The following SLC30A8 variants were observed in gnomAD, a reference collection of about 807,000 sequenced individuals.
SLC30A8 encodes the protein proton-coupled zinc antiporter SLC30A8.
SLC30A8 carries 27 observed loss-of-function variants against 36.9 expected under a neutral mutation model. The observed-to-expected ratio is 0.73, with a 90% confidence interval of 0.54 to 1.01. The LOEUF is 1.01. Among genes scored for constraint, SLC30A8 ranks in the 50% least tolerant of loss-of-function variants. The pLI is 0.00. For synonymous variants in SLC30A8, 164 were observed against 172.4 expected, an observed-to-expected ratio of 0.95 and a Z score of 0.38; for missense variants, 439 against 452.0, an observed-to-expected ratio of 0.97 and a Z score of 0.26.
Position 116,981,445 on chromosome 8 carries a change from C to T in SLC30A8, c.-266+30326C>T, listed in dbSNP as rs190561910. On this transcript the variant is annotated intron_variant, in intron 1 of 10. Transcript: ENST00000427715. ...AAGTTATATTTTAGATTCAAGAGTA[C>T]GTGTGTAGGTTTGTTATACAGGTAA... Among the ~76,000 whole-genome samples, 10 of 152,188 alleles carry T rather than the reference C, an allele frequency of 6.6e-5. No homozygotes were observed. In the East Asian group the frequency reaches 1.5e-3, roughly 24 times the overall value.
intron 7 of SLC30A8, among the ~76,000 whole-genome samples, chr8:117,171,459 A>G (rs962011117): frequency 1.3e-5 from 2 of 152,160 alleles, no homozygotes; most frequent in African/African-American, 4.8e-5. Flanking sequence ...ATTCAACTTC[A>G]TCTGTTTGGC....
At chr8:117,001,450 T>C (rs1330685884) in intron 1 of SLC30A8, among the ~76,000 whole-genome samples, 2 of 152,136 alleles carry the variant, frequency 1.3e-5, no homozygotes, top group Non-Finnish European at 2.9e-5. Context: ...AGTGAATGCA[T>C]CTCTTTTATT....
rs1823650947 is a variant in SLC30A8, at chr8:117,175,805, T to TAAAC, written c.*3126_*3129dup. On this transcript the variant is annotated 3_prime_UTR_variant, in exon 8 of 8. Coordinates refer to ENST00000456015, the MANE Select transcript of SLC30A8 (RefSeq NM_173851.3). ...CAGTGGCAAAATTATTGGTGAGAAT[T>TAAAC]AAACAGCTGTTTCTCAGAGGAAGCA... The TAAAC allele has an allele frequency of 6.6e-6, 1 of 152,114 alleles. No homozygotes were observed. 9.4% of individuals were successfully genotyped at this position (152,114 alleles called of 1,614,324 possible).
chr8:117,057,014 A>T (rs1817892348), intron 2 of SLC30A8, among the ~76,000 whole-genome samples: 1 of 152,228 alleles, frequency 6.6e-6, no homozygotes, highest in Admixed American at 6.5e-5. Flanking sequence ...CACTTGCCTT[A>T]GTCCACTAGG....
chr8:117,137,968 A>G (rs993138875), intron 1 of SLC30A8, among the ~76,000 whole-genome samples: 3 of 150,944 alleles, frequency 2.0e-5, no homozygotes, highest in African/African-American at 7.3e-5. Flanking sequence ...TATTGGACCC[A>G]GTAGGTGCCA....
At chr8:116,954,083 T>C (rs1370441929) in intron 1 of SLC30A8, among the ~76,000 whole-genome samples, 1 of 152,194 alleles carries the variant, frequency 6.6e-6, no homozygotes, top group Non-Finnish European at 1.5e-5. Context: ...GAATAATCAA[T>C]AATTTTTGGT....
chr8:117,102,641 T>C (rs1386669866), intron 2 of SLC30A8, among the ~76,000 whole-genome samples: 1 of 152,164 alleles, frequency 6.6e-6, no homozygotes, highest in Non-Finnish European at 1.5e-5. Context: ...CTTCTTTGCT[T>C]CTTCTAGTTT....
rs150616993 is a variant in SLC30A8 at position 117,003,811 on chromosome 8, C to G, written c.-265-35408C>G. On this transcript the variant is annotated intron_variant, in intron 1 of 10. Coordinates refer to the SLC30A8 transcript ENST00000427715. ...ACGATAATTCATTGGCAGAGTGAAG[C>G]AATTAATTAATGCTGTTTGTCATAT... is the stretch of plus-strand genomic sequence containing the variant. Among the ~76,000 whole-genome samples the G allele has an allele frequency of 7.3e-3, 1,110 of 152,216 alleles. 6 individuals carry two copies. Among genetic ancestry groups the G allele is most frequent in the Non-Finnish European group, 0.013 (856 of 68,018 alleles).
chr8:117,133,147 A>G (rs890984566), upstream of SLC30A8, among the ~76,000 whole-genome samples: 1 of 152,058 alleles, frequency 6.6e-6, no homozygotes, highest in Non-Finnish European at 1.5e-5. Flanking sequence ...AATTGCTGAT[A>G]TTAGACCACA....
chr8:117,111,426 G>A (rs964786958), intron 2 of SLC30A8, among the ~76,000 whole-genome samples: 3 of 152,084 alleles, frequency 2.0e-5, no homozygotes, highest in African/African-American at 4.8e-5. Context: ...TCTTCTTTTA[G>A]TAATAGCACC....
At chr8:116,981,462 T>C (rs1815257369) in intron 1 of SLC30A8, among the ~76,000 whole-genome samples, 1 of 152,180 alleles carries the variant, frequency 6.6e-6, no homozygotes, top group Non-Finnish European at 1.5e-5. Flanking sequence ...AGGTTTGTTA[T>C]ACAGGTAAAT....
chr8:117,074,710 G>C (rs931995576), intron 2 of SLC30A8, among the ~76,000 whole-genome samples: 3 of 152,156 alleles, frequency 2.0e-5, no homozygotes, highest in Non-Finnish European at 4.4e-5. Context: ...TTTTGAACCT[G>C]CTCTTTCTAC....
chr8:117,071,636 T>C (rs1381178957), intron 2 of SLC30A8, among the ~76,000 whole-genome samples: 1 of 152,192 alleles, frequency 6.6e-6, no homozygotes, highest in African/African-American at 2.4e-5. Context: ...ACCCATGCCA[T>C]GGAGCTTTTC....
chr8:116,974,629 T>C (rs1167408974), intron 1 of SLC30A8, among the ~76,000 whole-genome samples: 1 of 152,136 alleles, frequency 6.6e-6, no homozygotes, highest in Non-Finnish European at 1.5e-5. Flanking sequence ...GACAGTGTGG[T>C]GATTCCTCAA....
chr8:117,035,094 G>A (rs1244693972), intron 1 of SLC30A8, among the ~76,000 whole-genome samples: 1 of 152,044 alleles, frequency 6.6e-6, no homozygotes, highest in Non-Finnish European at 1.5e-5. Context: ...TTCCACCCCT[G>A]GCCCCTCCCA....
intron 1 of SLC30A8, among the ~76,000 whole-genome samples, chr8:116,958,029 T>G (rs757629798): frequency 2.6e-5 from 4 of 152,198 alleles, no homozygotes; most frequent in Non-Finnish European, 5.9e-5. Flanking sequence ...CCTATCTCCT[T>G]TGAGTGCTTT....
At chr8:117,142,543 C>T (rs767557445) in intron 1 of SLC30A8, among the ~76,000 whole-genome samples, 5 of 152,094 alleles carry the variant, frequency 3.3e-5, no homozygotes, top group Admixed American at 6.6e-5. Flanking sequence ...TCTTTCTTTA[C>T]GCCACAGGGG....
At chr8:117,068,389 T>A (rs1818230598) in intron 2 of SLC30A8, among the ~76,000 whole-genome samples, 8 of 152,156 alleles carry the variant, frequency 5.3e-5, no homozygotes, top group Admixed American at 5.2e-4. Flanking sequence ...GGGGCAAATT[T>A]TCTAAAACAA....
chr8:116,981,796 T>C (rs1815273568), intron 1 of SLC30A8, among the ~76,000 whole-genome samples: 1 of 152,230 alleles, frequency 6.6e-6, no homozygotes, highest in African/African-American at 2.4e-5. Context: ...ATGTACTACA[T>C]ATTTTAAATC....
Sources: gnomAD v4.1 joint callset for allele counts (sites outside exome capture counted in the v4.1 genomes callset) on GRCh38, gnomAD v4.1.1 for gene constraint, MANE v1.5 for transcripts, NCBI Gene and HGNC (gene_info 2026-07-23, HGNC 2026-07-21) for gene names.